The following UNC93A variants were observed in gnomAD, a reference collection of about 807,000 sequenced individuals.
The protein encoded by UNC93A is N-acetylglucosamine transporter UNC93A.
UNC93A carries 43 observed loss-of-function variants against 47.5 expected under a neutral mutation model. That is an observed-to-expected ratio of 0.91 (90% CI 0.71 to 1.17). UNC93A has a LOEUF of 1.17. Among genes scored for constraint, UNC93A ranks in the 50% most tolerant of loss-of-function variants. The pLI is 0.00. For missense variants in UNC93A, 605 were observed against 577.6 expected, an observed-to-expected ratio of 1.05 and a Z score of -0.49; for synonymous variants, 280 against 258.0, an observed-to-expected ratio of 1.09 and a Z score of -0.82.
At chr6:167,274,368 C>G (rs1854852) in intron 1 of UNC93A, among the ~76,000 whole-genome samples, 20 of 151,428 alleles carry the variant, frequency 1.3e-4, no homozygotes, top group South Asian at 2.1e-4. Context: ...ATTCCACGTT[C>G]GGTCCGTCCT....
chr6:167,278,213 C>A (rs1047775132), intron 1 of UNC93A, among the ~76,000 whole-genome samples: 11 of 152,158 alleles, frequency 7.2e-5, no homozygotes, highest in African/African-American at 2.4e-4. Flanking sequence ...CTGACATATA[C>A]CTGAGTGAGG....
intron 1 of UNC93A, among the ~76,000 whole-genome samples, chr6:167,294,198 G>A (rs897259112): frequency 6.6e-6 from 1 of 152,170 alleles, no homozygotes; most frequent in African/African-American, 2.4e-5. Context: ...CTGTCACACT[G>A]TCCTGTTCTC....
At chr6:167,312,981 G>A (rs934275122) in intron 7 of UNC93A, among the ~76,000 whole-genome samples, 4 of 152,200 alleles carry the variant, frequency 2.6e-5, no homozygotes, top group African/African-American at 9.7e-5. Flanking sequence ...GGTTTCCCCT[G>A]ATTCTTCCTC....
At chr6:167,294,847 C>A in intron 2 of UNC93A, 149 bp downstream of exon 2, 1 of 869,116 alleles carries the variant, frequency 1.2e-6, no homozygotes. Context: ...CCCCGCCTCG[C>A]TTTGGTGACA....
At chr6:167,293,598 G>T (rs1228064926) in intron 1 of UNC93A, among the ~76,000 whole-genome samples, 1 of 152,098 alleles carries the variant, frequency 6.6e-6, no homozygotes. Flanking sequence ...GGCTACTATG[G>T]GGTTGGCTTC....
chr6:167,308,457 G>A (rs942917280), intron 7 of UNC93A, among the ~76,000 whole-genome samples: 1 of 152,100 alleles, frequency 6.6e-6, no homozygotes, highest in Non-Finnish European at 1.5e-5. Flanking sequence ...GGAGCAGCAG[G>A]TGGGGGCCCT....
intron 6 of UNC93A, 68 bp from the exon 7 acceptor site, chr6:167,307,711 A>T: frequency 6.3e-7 from 1 of 1,594,310 alleles, no homozygotes; most frequent in Non-Finnish European, 8.5e-7. Context: ...GCACTGACCC[A>T]CCTCCAGGCC....
intron 7 of UNC93A, among the ~76,000 whole-genome samples, chr6:167,313,704 A>C (rs1778616633): frequency 6.6e-6 from 1 of 152,138 alleles, no homozygotes; most frequent in South Asian, 2.1e-4. Context: ...CGACCTGCCC[A>C]GGGTGTAGCC....
intron 3 of UNC93A, among the ~76,000 whole-genome samples, chr6:167,296,500 G>A (rs1373041344): frequency 1.3e-5 from 2 of 152,248 alleles, no homozygotes; most frequent in African/African-American, 2.4e-5. Context: ...TGCCTCCGCA[G>A]GGGCAGGGGA....
upstream of UNC93A, among the ~76,000 whole-genome samples, chr6:167,287,402 G>T (rs1783756571): frequency 6.6e-6 from 1 of 152,150 alleles, no homozygotes; most frequent in Non-Finnish European, 1.5e-5. Flanking sequence ...CGTCCCACCT[G>T]CTCTAGTTTT....
At chr6:167,310,940 A>T (rs1351732396) in intron 7 of UNC93A, among the ~76,000 whole-genome samples, 1 of 152,130 alleles carries the variant, frequency 6.6e-6, no homozygotes, top group Non-Finnish European at 1.5e-5. Flanking sequence ...TGGACTTTAT[A>T]CTCGCAATCG....
intron 2 of UNC93A, among the ~76,000 whole-genome samples, chr6:167,294,938 C>CTGGGAT (rs1645010851): frequency 6.6e-6 from 1 of 152,146 alleles, no homozygotes; most frequent in Non-Finnish European, 1.5e-5. Context: ...CTCCCGATCC[C>CTGGGAT]CGATGCTGGC....
At position 167,273,135 on chromosome 6, in the gene UNC93A, A is replaced by G. The variant is rs149572323; in HGVS notation, c.-52+1677A>G. Among the ~76,000 whole-genome samples the G allele has an allele frequency of 8.4e-3, 1,272 of 152,292 alleles. 6 individuals are homozygous for G. Among genetic ancestry groups the G allele is most frequent in the Non-Finnish European group, 0.012 (827 of 68,036 alleles). ...CCGCCTTCTAACCCAGGTGACATCA[A>G]TCACTTACTCTCTTTCTGCTCTTTG... On this transcript the variant is annotated intron_variant, in intron 1 of 3. Coordinates refer to the UNC93A transcript ENST00000503433.
Position 167,296,111 on chromosome 6 carries a change from A to T in UNC93A, c.349A>T (p.Ile117Phe). Residue 117 changes from isoleucine to phenylalanine, a missense_variant, in exon 3 of 8, where the codon ATC becomes TTC. By Grantham distance (21) the Ile-to-Phe change is conservative (BLOSUM62 0). Transcript: ENST00000230256. ...GTCTGCACAGTGCACATACCTCACG[A>T]TCACGGGAAACACACATGCAGAGAA... ...LWSAQCTYLTITGNTHAEKAG... is the reference protein window; with the variant it reads ...LWSAQCTYLTFTGNTHAEKAG... The T allele has an allele frequency of 6.2e-7, 1 of 1,614,216 alleles. No individual in the cohort carries two copies. Among genetic ancestry groups the T allele is most frequent in the Non-Finnish European group, 8.5e-7 (1 of 1,180,050 alleles).
upstream of UNC93A, among the ~76,000 whole-genome samples, chr6:167,287,684 G>GAT (rs1783761703): frequency 6.6e-6 from 1 of 150,590 alleles, no homozygotes; most frequent in Non-Finnish European, 1.5e-5. Context: ...AAATAAAAAG[G>GAT]GTGTGTGTGT....
At chr6:167,309,952 C>T (rs1037573691) in intron 7 of UNC93A, among the ~76,000 whole-genome samples, 13 of 152,088 alleles carry the variant, frequency 8.5e-5, no homozygotes, top group African/African-American at 3.1e-4. Context: ...AGACTGGACC[C>T]GAGGCCAGGC....
intron 2 of UNC93A, among the ~76,000 whole-genome samples, chr6:167,295,659 C>CGTGATCCTCGCCTCCCTT (rs1778057034): frequency 8.7e-6 from 1 of 114,872 alleles, no homozygotes; most frequent in Non-Finnish European, 1.7e-5. Flanking sequence ...TCGCCTCCCT[C>CGTGATCCTCGCCTCCCTT]GTGATCCTCG....
intron 1 of UNC93A, among the ~76,000 whole-genome samples, chr6:167,274,524 T>C (rs1257977747): frequency 6.6e-6 from 1 of 152,208 alleles, no homozygotes; most frequent in African/African-American, 2.4e-5. Context: ...GGAGTCCTTT[T>C]GTGTTTCATT....
chr6:167,294,385 G>A (rs911726124), intron 1 of UNC93A, 132 bp from the exon 2 acceptor site: 21 of 1,036,690 alleles, frequency 2.0e-5, no homozygotes, highest in South Asian at 3.1e-5. Context: ...AGGCTCCCAG[G>A]GCAGCAAGCC....
Sources: allele counts gnomAD v4.1 joint callset (sites outside exome capture counted in the v4.1 genomes callset), GRCh38; gene constraint gnomAD v4.1.1; transcripts MANE v1.5; gene names NCBI Gene and HGNC (gene_info 2026-07-23, HGNC 2026-07-21).